The following MARCHF3 variants were observed in gnomAD, a reference collection of about 807,000 sequenced individuals.
The protein encoded by MARCHF3 is membrane associated ring-CH-type finger 3.
In MARCHF3, 13 loss-of-function variants were observed where a neutral mutation model predicts 24.2. The ratio of observed to expected loss-of-function variants is 0.54; its 90% CI spans 0.35 to 0.85. MARCHF3 has a LOEUF of 0.85. Ranked by LOEUF, MARCHF3 falls within the 40% of genes least tolerant of loss-of-function variation. MARCHF3 has a pLI of 0.01. For missense variants in MARCHF3, 276 were observed against 325.0 expected (o/e 0.85, Z 1.16); for synonymous variants, 144 against 137.3 (o/e 1.05, Z -0.34).
At chr5:126,914,767 A>ACACACAC (rs1754658481) in intron 3 of MARCHF3, 163 bp downstream of exon 3, 294 of 484,370 alleles carry the variant, frequency 6.1e-4, no homozygotes, top group Admixed American at 9.8e-4. Flanking sequence ...CTCTTTCTCA[A>ACACACAC]ACACACACAC....
chr5:127,027,167 A>G (rs1753025960), intron 1 of MARCHF3, among the ~76,000 whole-genome samples: 1 of 152,242 alleles, frequency 6.6e-6, no homozygotes, highest in African/African-American at 2.4e-5. Flanking sequence ...AAGGGGAGGT[A>G]GCAAACAATT....
chr5:126,870,966 A>C (rs1232956956), intron 4 of MARCHF3, among the ~76,000 whole-genome samples, 175 bp from the exon 5 acceptor site: 1 of 152,232 alleles, frequency 6.6e-6, no homozygotes, highest in East Asian at 1.9e-4. Flanking sequence ...GAGATTGGGC[A>C]CCAGCCAAAG....
intron 2 of MARCHF3, among the ~76,000 whole-genome samples, chr5:126,916,720 C>CACAT (rs1179085663): frequency 7.3e-6 from 1 of 137,042 alleles, no homozygotes; most frequent in Non-Finnish European, 1.7e-5. Context: ...CACACACACA[C>CACAT]ACACACACAC....
At chr5:126,999,229 G>C (rs534953243) in intron 1 of MARCHF3, among the ~76,000 whole-genome samples, 14 of 152,226 alleles carry the variant, frequency 9.2e-5, no homozygotes, top group Non-Finnish European at 2.1e-4. Flanking sequence ...TAATGTAGAT[G>C]ATGCAGAAAA....
Position 126,895,129 on chromosome 5 carries a change from C to T in MARCHF3, c.394-16735G>A, listed in dbSNP as rs565357471. ...GCTCCTGAGGCTTCTGCATTCTTCACGTAGTTCTCGAGCCTTGGTTTTCAG... is the reference window on the plus strand; with the variant it reads ...GCTCCTGAGGCTTCTGCATTCTTCATGTAGTTCTCGAGCCTTGGTTTTCAG... On this transcript the variant is annotated intron_variant, in intron 3 of 4. Coordinates refer to ENST00000308660, the MANE Select transcript of MARCHF3 (RefSeq NM_178450.5). 2.6e-3 allele frequency among the ~76,000 whole-genome samples: 390 copies of T among 152,166 alleles called. 4 individuals carry two copies. The highest frequency in any genetic ancestry group is 8.8e-3 in the African/African-American group (366 of 41,506).
intron 3 of MARCHF3, among the ~76,000 whole-genome samples, chr5:126,890,437 C>T (rs1196863757): frequency 1.7e-5 from 2 of 117,036 alleles, no homozygotes; most frequent in African/African-American, 6.6e-5. Flanking sequence ...TCCCTCCCCC[C>T]TCCCCCCACC....
In MARCHF3 at chr5:126,899,794, T is replaced by C. The variant is rs899137401; in HGVS notation, c.393+15136A>G. Among the ~76,000 whole-genome samples the C allele has an allele frequency of 5.3e-5, 8 of 152,164 alleles. No homozygotes were observed. In the South Asian group the frequency reaches 1.2e-3, roughly 24 times the overall value. On this transcript the variant is annotated intron_variant, in intron 3 of 4. Coordinates refer to ENST00000308660, the MANE Select transcript of MARCHF3 (RefSeq NM_178450.5). ...GAGCAGTTTTTGGTTCACAGCAAAA[T>C]TGAATGGAAAGCACAGAGGGTTCTC... is the stretch of plus-strand genomic sequence containing the variant.
intron 1 of MARCHF3, among the ~76,000 whole-genome samples, chr5:126,992,766 A>ATTT (rs757479478): frequency 0.015 from 1,459 of 95,462 alleles, 30 homozygotes; most frequent in African/African-American, 0.028. Flanking sequence ...CATCCACGTG[A>ATTT]TTTTTTTTTT....
chr5:127,029,507 G>A (rs897210846), intron 1 of MARCHF3, among the ~76,000 whole-genome samples: 1 of 152,134 alleles, frequency 6.6e-6, no homozygotes. Flanking sequence ...CCATTAAGGG[G>A]GGAAAACAAT....
chr5:127,007,616 T>C (rs1752350498), intron 1 of MARCHF3, among the ~76,000 whole-genome samples: 1 of 152,156 alleles, frequency 6.6e-6, no homozygotes, highest in African/African-American at 2.4e-5. Context: ...GGGGCTAACT[T>C]ATAAGATCTG....
In MARCHF3 at chr5:126,915,036, A is replaced by G; in HGVS notation, c.287T>C (p.Ile96Thr). The change falls in exon 3 of 5, where the codon ATT becomes ACT. Residue 96 changes from isoleucine (I) to threonine (T), a missense_variant. Coordinates refer to ENST00000308660, the MANE Select transcript of MARCHF3 (RefSeq NM_178450.5). ...CCAGTGCTCCAGGCAGCTCCGATGA[A>G]TTGTCCCCAAGGTCCCTGTACATTC... ...PCECTGTLGT[I>T]HRSCLEHWLS... The G allele has an allele frequency of 6.2e-7, 1 of 1,614,150 alleles. No individual in the cohort carries two copies. The highest frequency in any genetic ancestry group is 8.5e-7 in the Non-Finnish European group (1 of 1,180,010).
chr5:126,909,460 G>T (rs1199457872), intron 3 of MARCHF3, among the ~76,000 whole-genome samples: 1 of 152,218 alleles, frequency 6.6e-6, no homozygotes, highest in East Asian at 1.9e-4. Flanking sequence ...TGCTGTGCTA[G>T]CAATCAGCGA....
intron 1 of MARCHF3, among the ~76,000 whole-genome samples, chr5:126,944,325 C>T (rs905877349): frequency 5.9e-5 from 9 of 152,174 alleles, no homozygotes; most frequent in South Asian, 2.1e-4. Context: ...CATCTGGGCA[C>T]GGTGGCTCAC....
rs766935760 is a variant in MARCHF3, at chr5:126,870,668, A to C, written c.727T>G (p.Ser243Ala). Residue 243 changes from serine (S) to alanine (A), a missense_variant, in exon 5 of 5, where the codon TCG (serine) becomes GCG (alanine). By Grantham distance (99) the Ser-to-Ala change is moderately conservative (BLOSUM62 1). Coordinates refer to ENST00000308660, the MANE Select transcript of MARCHF3 (RefSeq NM_178450.5). ...SNQPSLLGLH[S>A]VKRNSKETVV ...GTCTCCTTTGAGTTCCTCTTGACCG[A>C]ATGGAGGCCCAGCAAGGACGGCTGG... 6.2e-7 allele frequency: 1 copy of C among 1,614,150 alleles called. No homozygotes were observed. The highest frequency in any genetic ancestry group is 2.2e-5 in the East Asian group (1 of 44,884).
chr5:126,996,806 GAAAA>G (rs765466166), intron 1 of MARCHF3, among the ~76,000 whole-genome samples: 2 of 151,540 alleles, frequency 1.3e-5, no homozygotes, highest in Non-Finnish European at 2.9e-5. Context: ...ACGCAAGTAA[GAAAA>G]AAAATAAGCG....
At chr5:126,948,720 T>C (rs890239130) in intron 1 of MARCHF3, among the ~76,000 whole-genome samples, 1 of 152,186 alleles carries the variant, frequency 6.6e-6, no homozygotes, top group African/African-American at 2.4e-5. Flanking sequence ...TTGGTGACAG[T>C]TACAGAAAGA....
intron 1 of MARCHF3, among the ~76,000 whole-genome samples, chr5:127,026,693 A>T (rs1753011283): frequency 6.6e-6 from 1 of 152,170 alleles, no homozygotes; most frequent in African/African-American, 2.4e-5. Flanking sequence ...GTCATCTTTG[A>T]ATGTGAAAGA....
intron 1 of MARCHF3, among the ~76,000 whole-genome samples, chr5:127,029,374 C>T (rs1488088561): frequency 6.6e-6 from 1 of 152,182 alleles, no homozygotes; most frequent in Non-Finnish European, 1.5e-5. Context: ...TTTTCAAAAG[C>T]TCTTATTCAT....
chr5:126,896,051 C>G (rs112180390), intron 3 of MARCHF3, among the ~76,000 whole-genome samples: 3 of 152,118 alleles, frequency 2.0e-5, no homozygotes, highest in East Asian at 1.9e-4. Flanking sequence ...CGCAGTATTC[C>G]GGTGGGAGTG....
Sources: gnomAD v4.1 joint callset for allele counts (sites outside exome capture counted in the v4.1 genomes callset) on GRCh38, gnomAD v4.1.1 for gene constraint, MANE v1.5 for transcripts, NCBI Gene and HGNC (gene_info 2026-07-23, HGNC 2026-07-21) for gene names.